PTPN22: variants seen among roughly 807,000 people sequenced by gnomAD.
The protein encoded by PTPN22 is tyrosine-protein phosphatase non-receptor type 22.
PTPN22 carries 85 observed loss-of-function variants against 103.3 expected under a neutral mutation model. The observed-to-expected ratio is 0.82, with a 90% CI of 0.69 to 0.99. The LOEUF (loss-of-function observed/expected upper bound fraction) is 0.99. PTPN22 is among the 50% of genes least tolerant of loss of function. PTPN22 has a pLI of 0.00. For synonymous variants in PTPN22, 323 were observed against 310.2 expected (o/e 1.04, Z -0.43); for missense variants, 865 against 936.9 (o/e 0.92, Z 1.00).
At chr1:113,814,809 T>C (rs1661032652) in exon 21 of PTPN22, 1 of 928,072 alleles carries the variant, frequency 1.1e-6, no homozygotes, top group African/African-American at 1.6e-5. Flanking sequence ...ATATTTGATA[T>C]TATGCATATA....
At chr1:113,835,937 TTAA>T (rs1662971391) in intron 13 of PTPN22, among the ~76,000 whole-genome samples, 1 of 61,254 alleles carries the variant, frequency 1.6e-5, no homozygotes, top group African/African-American at 1.1e-4. Context: ...TTTTTATTAA[TTAA>T]TTTTTTTTTG....
intron 11 of PTPN22, among the ~76,000 whole-genome samples, chr1:113,844,048 T>C (rs984935071): frequency 1.3e-5 from 2 of 152,044 alleles, no homozygotes; most frequent in African/African-American, 4.8e-5. Context: ...CTGGACAACA[T>C]AGCTCCTATT....
At chr1:113,824,988 AGG>A (rs1438400232) in intron 19 of PTPN22, among the ~76,000 whole-genome samples, 152 bp downstream of exon 19, 1 of 149,742 alleles carries the variant, frequency 6.7e-6, no homozygotes, top group Non-Finnish European at 1.5e-5. Flanking sequence ...AAAAAAAAAA[AGG>A]AGGCCTATGG....
intron 1 of PTPN22, among the ~76,000 whole-genome samples, chr1:113,869,845 T>A (rs1218708053): frequency 6.6e-6 from 1 of 152,194 alleles, no homozygotes; most frequent in Non-Finnish European, 1.5e-5. Flanking sequence ...TAGAACTTCC[T>A]ACTTATCTCC....
At position 113,858,998 on chromosome 1, in the gene PTPN22, G is replaced by A. The variant is rs577768293; in HGVS notation, c.273+4C>T. Reference sequence around the variant, plus strand: ...TGGAATGCTTTTATTTTCTTTCACTGTACCTTAATGAAGTTGGCATTGATG... The same window carrying A: ...TGGAATGCTTTTATTTTCTTTCACTATACCTTAATGAAGTTGGCATTGATG... On this transcript the variant is annotated splice_donor_region_variant and intron_variant, in intron 3 of 20. Transcript: ENST00000359785. 267 of 1,612,838 alleles carry A rather than the reference G, an allele frequency of 1.7e-4. 5 individuals are homozygous for A. In the South Asian group the frequency reaches 2.8e-3, roughly 17 times the overall value.
chr1:113,856,472 T>G (rs1409291576), intron 6 of PTPN22, 31 bp from the exon 7 acceptor site: 2 of 1,612,552 alleles, frequency 1.2e-6, no homozygotes, highest in Non-Finnish European at 1.7e-6. Flanking sequence ...CAAGTATTAG[T>G]GATTGCAAAG....
intron 7 of PTPN22, among the ~76,000 whole-genome samples, chr1:113,855,793 T>G (rs1665005099): frequency 6.6e-6 from 1 of 152,208 alleles, no homozygotes; most frequent in African/African-American, 2.4e-5. Flanking sequence ...TTCAAACCAG[T>G]GTTTCCCAAC....
Position 113,838,408 on chromosome 1 carries a change from C to A in PTPN22, c.993-1G>T. 1 of 1,582,416 alleles carries A rather than the reference C, an allele frequency of 6.3e-7. No homozygotes were observed. Among genetic ancestry groups the A allele is most frequent in the Admixed American group, 1.9e-5 (1 of 53,536 alleles). ...CATCATTTTTGCTGCTTTTGTGGTA[C>A]TAAAACAAAAAGAAAGCGTAATGAT... is the stretch of plus-strand genomic sequence containing the variant. On this transcript the variant is annotated splice_acceptor_variant, in intron 12 of 20. Coordinates refer to ENST00000359785, the Ensembl canonical transcript of PTPN22. LOFTEE classifies it high-confidence loss of function.
At chr1:113,853,343 T>C (rs956527394) in intron 9 of PTPN22, among the ~76,000 whole-genome samples, 3 of 150,486 alleles carry the variant, frequency 2.0e-5, no homozygotes, top group Non-Finnish European at 1.5e-5. Flanking sequence ...TTAAATTTTC[T>C]TTTTCTTTCT....
intron 19 of PTPN22, among the ~76,000 whole-genome samples, chr1:113,821,001 T>G (rs2101879588): frequency 6.6e-6 from 1 of 150,618 alleles, no homozygotes; most frequent in Admixed American, 6.6e-5. Context: ...TATATTAAAA[T>G]ACTTAATATA....
intron 11 of PTPN22, among the ~76,000 whole-genome samples, chr1:113,847,771 G>A (rs1465856053): frequency 6.6e-6 from 1 of 151,504 alleles, no homozygotes; most frequent in East Asian, 2.0e-4. Flanking sequence ...TAGAGATGGG[G>A]TTTCACCATG....
chr1:113,820,621 G>A (rs1037664576), intron 19 of PTPN22, among the ~76,000 whole-genome samples: 3 of 152,088 alleles, frequency 2.0e-5, no homozygotes, highest in Admixed American at 1.3e-4. Flanking sequence ...ATCAGTTTCT[G>A]CAGTTTTGAA....
intron 7 of PTPN22, 83 bp from the exon 8 acceptor site, chr1:113,855,132 G>A: frequency 1.6e-6 from 2 of 1,250,568 alleles, no homozygotes; most frequent in Non-Finnish European, 2.3e-6. Flanking sequence ...CTACCTGGGT[G>A]ATGGGATTAT....
intron 11 of PTPN22, among the ~76,000 whole-genome samples, chr1:113,843,031 C>T (rs1299120260): frequency 8.1e-6 from 1 of 123,160 alleles, no homozygotes; most frequent in Non-Finnish European, 1.6e-5. Context: ...ACCCGGGAGG[C>T]GGAGCTTGCA....
intron 11 of PTPN22, among the ~76,000 whole-genome samples, chr1:113,843,459 C>T (rs1287920438): frequency 2.6e-5 from 4 of 151,988 alleles, no homozygotes; most frequent in Non-Finnish European, 4.4e-5. Context: ...ATGATTCCAC[C>T]CATATCAGGT....
chr1:113,844,460 A>C (rs1663875187), intron 11 of PTPN22, among the ~76,000 whole-genome samples: 1 of 152,242 alleles, frequency 6.6e-6, no homozygotes, highest in African/African-American at 2.4e-5. Flanking sequence ...TCTCAAAAAA[A>C]CAAAAACAAA....
At chr1:113,827,426 A>G (rs964943471) in intron 18 of PTPN22, among the ~76,000 whole-genome samples, 36 of 152,250 alleles carry the variant, frequency 2.4e-4, no homozygotes, top group African/African-American at 8.4e-4. Context: ...AAGTAAATAC[A>G]CATATGTATC....
chr1:113,856,134 C>A (rs1475584872), intron 7 of PTPN22, among the ~76,000 whole-genome samples: 6 of 152,158 alleles, frequency 3.9e-5, no homozygotes, highest in Non-Finnish European at 8.8e-5. Flanking sequence ...CCTGCCTAAG[C>A]CTCTTGACTA....
At chr1:113,821,170 A>G (rs999955487) in intron 19 of PTPN22, among the ~76,000 whole-genome samples, 9 of 152,204 alleles carry the variant, frequency 5.9e-5, no homozygotes, top group East Asian at 3.8e-4. Flanking sequence ...AAAGTTATAT[A>G]CATCCTTCAG....
Sources: allele counts gnomAD v4.1 joint callset (sites outside exome capture counted in the v4.1 genomes callset), GRCh38; gene constraint gnomAD v4.1.1; transcripts MANE v1.5; gene names NCBI Gene and HGNC (gene_info 2026-07-23, HGNC 2026-07-21).